The following FBXO38 variants were observed in gnomAD, a reference collection of about 807,000 sequenced individuals.
FBXO38 encodes F-box only protein 38.
A neutral mutation model predicts 131.9 loss-of-function variants in FBXO38; 53 were observed. The observed-to-expected ratio is 0.40, with a 90% CI of 0.32 to 0.51. The LOEUF (loss-of-function observed/expected upper bound fraction) is 0.51, where lower values mean the gene tolerates loss of function less well. Ranked by LOEUF, FBXO38 falls within the 20% of genes least tolerant of loss-of-function variation. The pLI, the probability that FBXO38 is intolerant of heterozygous loss-of-function variation, is 0.53. For missense variants in FBXO38, 1,076 were observed against 1,475.6 expected, an observed-to-expected ratio of 0.73 and a Z score of 4.44; for synonymous variants, 452 against 505.6, an observed-to-expected ratio of 0.89 and a Z score of 1.42.
At chr5:148,414,064 T>A in intron 9 of FBXO38, 72 bp from the exon 10 acceptor site, 1 of 1,425,332 alleles carries the variant, frequency 7.0e-7, no homozygotes. Context: ...ACTGGTAAGA[T>A]ACAAAGTTGG....
chr5:148,404,789 A>C lies in FBXO38; in HGVS notation c.697A>C (p.Ser233Arg). 3 of 1,608,120 alleles carry C rather than the reference A, an allele frequency of 1.9e-6. No homozygotes were observed. Among genetic ancestry groups the C allele is most frequent in the Non-Finnish European group, 2.5e-6 (3 of 1,178,138 alleles). Residue 233 changes from serine to arginine, a missense_variant, in exon 6 of 22, where the codon AGC (serine) becomes CGC (arginine). Ser to Arg is a moderately radical substitution (Grantham distance 110, BLOSUM62 -1). Around this residue, in one of 8 missense-constraint regions of FBXO38, gnomAD observed 66 missense variants for 72.4 expected, o/e 0.91. Coordinates refer to ENST00000340253, the MANE Select transcript of FBXO38 (RefSeq NM_205836.3). ...PQPFKDFLCI[S>R]LRTFVMRNCA... ...GCCATTTAAAGACTTCCTTTGTATC[A>C]GCTTAAGAACTTTCGTCATGAGGAA... is the stretch of plus-strand genomic sequence containing the variant.
At chr5:148,414,027 G>C (rs991436530) in intron 9 of FBXO38, 109 bp from the exon 10 acceptor site, 1 of 1,012,370 alleles carries the variant, frequency 9.9e-7, no homozygotes, top group Non-Finnish European at 1.4e-6. Flanking sequence ...AGATGATACA[G>C]AATGATGGTA....
chr5:148,441,659 T>C (rs1364625079), intron 21 of FBXO38, among the ~76,000 whole-genome samples: 1 of 152,260 alleles, frequency 6.6e-6, no homozygotes, highest in Non-Finnish European at 1.5e-5. Flanking sequence ...AGTGGTAGCA[T>C]ACTTGAATAT....
chr5:148,424,050 G>C lies in FBXO38; in HGVS notation c.1671G>C (p.Glu557Asp). 1 of 1,613,758 alleles carries C rather than the reference G, an allele frequency of 6.2e-7. No homozygotes were observed. Among genetic ancestry groups the C allele is most frequent in the Non-Finnish European group, 8.5e-7 (1 of 1,179,760 alleles). The change falls in exon 13 of 22, where the codon GAG (glutamate) becomes GAC (aspartate). Residue 557 changes from glutamate to aspartate, a missense_variant. Physicochemically the swap from Glu to Asp is conservative, Grantham distance 45. Coordinates refer to ENST00000340253, the MANE Select transcript of FBXO38 (RefSeq NM_205836.3). ...IVQEDGEVVA[E>D]SGNNTPAHSQ... ...AAGAAGATGGAGAGGTGGTGGCCGA[G>C]AGTGGAAATAATACTCCAGCTCACA...
At chr5:148,391,239 C>G (rs1758180460) in intron 1 of FBXO38, among the ~76,000 whole-genome samples, 1 of 152,176 alleles carries the variant, frequency 6.6e-6, no homozygotes, top group African/African-American at 2.4e-5. Flanking sequence ...CTCGAAGCTA[C>G]TGGATGTATA....
At chr5:148,409,541 C>T (rs945795792) in intron 8 of FBXO38, among the ~76,000 whole-genome samples, 6 of 152,198 alleles carry the variant, frequency 3.9e-5, no homozygotes, top group Admixed American at 1.3e-4. Context: ...GTAGCCCTCT[C>T]AGGACCATTG....
At chr5:148,397,182 A>G (rs766325177) in intron 2 of FBXO38, among the ~76,000 whole-genome samples, 1 of 152,154 alleles carries the variant, frequency 6.6e-6, no homozygotes, top group Non-Finnish European at 1.5e-5. Context: ...GTCTTCATAA[A>G]ACAAGAAAAA....
At position 148,435,981 on chromosome 5, in the gene FBXO38, G is replaced by A. The variant is rs947689369; in HGVS notation, c.2857+2244G>A. Reference sequence around the variant, plus strand: ...ACATTTATTAAGTTCACTTATATTGGTGCAGTTTGTGGCACCCCACAATTA... The same window carrying A: ...ACATTTATTAAGTTCACTTATATTGATGCAGTTTGTGGCACCCCACAATTA... On this transcript the variant is annotated intron_variant, in intron 17 of 21. Transcript: ENST00000340253. 2.0e-5 allele frequency among the ~76,000 whole-genome samples: 3 copies of A among 152,128 alleles called. No individual in the cohort carries two copies. In the South Asian group the frequency reaches 6.2e-4, roughly 31 times the overall value.
intron 1 of FBXO38, among the ~76,000 whole-genome samples, chr5:148,388,082 G>A (rs1758010112): frequency 6.6e-6 from 1 of 152,154 alleles, no homozygotes; most frequent in African/African-American, 2.4e-5. Context: ...GTGTTAGCAG[G>A]CATGGAAACA....
intron 9 of FBXO38, among the ~76,000 whole-genome samples, chr5:148,412,544 A>G (rs1288070422): frequency 6.6e-6 from 1 of 152,140 alleles, no homozygotes; most frequent in East Asian, 1.9e-4. Flanking sequence ...ATGTGGATTT[A>G]TGATCTGTAA....
intron 1 of FBXO38, among the ~76,000 whole-genome samples, chr5:148,389,254 A>G (rs1014400858): frequency 6.6e-6 from 1 of 152,250 alleles, no homozygotes; most frequent in Non-Finnish European, 1.5e-5. Context: ...ATGAAAGGAT[A>G]TGAAATATTG....
Position 148,395,038 on chromosome 5 carries a change from TC to T in FBXO38, c.128+135del, listed in dbSNP as rs576840445. The stretch of plus-strand genomic sequence containing the variant: ...ATTAAGTAAAAATGTAAAATTTAGT[TC>T]GTCAGTTGCACTGGCTACATTTCAA... On this transcript the variant is annotated intron_variant, in intron 2 of 21. Coordinates refer to ENST00000340253, the MANE Select transcript of FBXO38 (RefSeq NM_205836.3). The T allele has an allele frequency of 5.0e-4, 469 of 944,736 alleles. 1 individual carries two copies. Among genetic ancestry groups the T allele is most frequent in the Middle Eastern group, 4.5e-3 (19 of 4,238 alleles). The allele number at this position is 944,736 out of a possible 1,614,324, so 58.5% of individuals were successfully genotyped here. A position where few individuals can be genotyped will look rare whatever the true frequency, so the allele number is the denominator to read the frequency against.
At chr5:148,438,535 T>C (rs916027334) in intron 18 of FBXO38, 37 bp downstream of exon 18, 4 of 1,579,696 alleles carry the variant, frequency 2.5e-6, no homozygotes, top group Non-Finnish European at 3.4e-6. Flanking sequence ...ATACACATAT[T>C]GTGGTGTTTT....
intron 3 of FBXO38, among the ~76,000 whole-genome samples, chr5:148,400,893 G>GA (rs1331322539): frequency 1.3e-5 from 2 of 151,158 alleles, no homozygotes; most frequent in Non-Finnish European, 3.0e-5. Flanking sequence ...GAGAATAAAT[G>GA]AAAAAAAATG....
chr5:148,386,995 G>A (rs6884072), intron 1 of FBXO38, among the ~76,000 whole-genome samples: 4,502 of 152,286 alleles, frequency 0.03, 211 homozygotes, highest in African/African-American at 0.1. Context: ...CTTGGTGGCT[G>A]CTGACTGATC....
intron 1 of FBXO38, 26 bp downstream of exon 1, chr5:148,384,065 G>C (rs934008637): frequency 6.5e-6 from 1 of 153,260 alleles, no homozygotes; most frequent in African/African-American, 2.4e-5. Context: ...AGTGGGCCTG[G>C]GGACCGGGAG....
chr5:148,426,009 T>A (rs940895473), intron 14 of FBXO38, among the ~76,000 whole-genome samples: 1 of 152,162 alleles, frequency 6.6e-6, no homozygotes, highest in Non-Finnish European at 1.5e-5. Context: ...ATGTAAGGGA[T>A]GACTGCTGAG....
intron 13 of FBXO38, 94 bp downstream of exon 13, chr5:148,424,211 C>A (rs1472808387): frequency 8.0e-7 from 1 of 1,253,388 alleles, no homozygotes. Flanking sequence ...GTTTTCTGAC[C>A]TTTCAGCTAA....
chr5:148,409,097 A>G (rs1752598424), intron 7 of FBXO38, 27 bp from the exon 8 acceptor site: 3 of 1,348,848 alleles, frequency 2.2e-6, no homozygotes, highest in Non-Finnish European at 3.2e-6. Flanking sequence ...CTATGGTCAA[A>G]CACTTGTTTT....
Sources: allele counts gnomAD v4.1 joint callset (sites outside exome capture counted in the v4.1 genomes callset), GRCh38; gene constraint gnomAD v4.1.1; regional missense constraint gnomAD v4.1.1; transcripts MANE v1.5; gene names NCBI Gene and HGNC (gene_info 2026-07-23, HGNC 2026-07-21).